Variants in KYAT3 observed in about 807,000 individuals in gnomAD.
KYAT3 encodes kynurenine--oxoglutarate transaminase 3.
In KYAT3, 50 loss-of-function variants were observed where a neutral mutation model predicts 59.0. That is an observed-to-expected ratio of 0.85 (90% confidence interval 0.68 to 1.07). The LOEUF (loss-of-function observed/expected upper bound fraction) is 1.07. Ranked by LOEUF, KYAT3 falls within the 50% of genes least tolerant of loss-of-function variation. The probability of loss-of-function intolerance (pLI) is 0.00; values close to 1 mark genes in which losing one functional copy is unlikely to be tolerated. For missense variants in KYAT3, 497 were observed against 533.3 expected (o/e 0.93, Z 0.67); for synonymous variants, 148 against 177.0 (o/e 0.84, Z 1.30).
At chr1:88,924,638 T>G in the KYAT3 span, among the ~76,000 whole-genome samples, 1 of 152,180 alleles carries the variant, frequency 6.6e-6, no homozygotes, top group African/African-American at 2.4e-5. Context: ...AAGCTGAGCT[T>G]TTGCTCGCCG....
chr1:88,984,889 A>G (rs374758015), intron 2 of KYAT3, among the ~76,000 whole-genome samples: 14 of 152,358 alleles, frequency 9.2e-5, no homozygotes, highest in Middle Eastern at 3.4e-3. Flanking sequence ...CCTTTACTAC[A>G]TATGAATTTG....
intron 2 of KYAT3, among the ~76,000 whole-genome samples, chr1:88,969,961 G>A (rs969208854): frequency 6.6e-6 from 1 of 152,070 alleles, no homozygotes; most frequent in Non-Finnish European, 1.5e-5. Context: ...TTGGCTGGAA[G>A]GAATGCTTTT....
chr1:88,959,954 T>G (rs35506127), intron 8 of KYAT3, among the ~76,000 whole-genome samples: 147,037 of 147,038 alleles, frequency 1, 73,518 homozygotes, highest in Non-Finnish European at 1. Context: ...TGCAGTCCCA[T>G]CTACTTGGGA....
chr1:88,932,145 T>C (rs1321277303), downstream of KYAT3, among the ~76,000 whole-genome samples: 3 of 152,204 alleles, frequency 2.0e-5, no homozygotes, highest in Non-Finnish European at 2.9e-5. Context: ...TATTACAGAA[T>C]ACTGTCTACT....
At chr1:88,956,789 T>G (rs10922528) in intron 8 of KYAT3, among the ~76,000 whole-genome samples, 43,349 of 152,168 alleles carry the variant, frequency 0.28, 7,533 homozygotes, top group Non-Finnish European at 0.38. Context: ...TAAATTTTGC[T>G]AGACATTGGT....
At chr1:88,950,386 A>G (rs1207257896) in intron 10 of KYAT3, among the ~76,000 whole-genome samples, 1 of 152,218 alleles carries the variant, frequency 6.6e-6, no homozygotes, top group East Asian at 1.9e-4. Context: ...TAGCCTGGAA[A>G]TCTGTGGTTT....
intron 8 of KYAT3, 128 bp downstream of exon 8, chr1:88,961,039 A>G: frequency 2.4e-6 from 2 of 817,718 alleles, no homozygotes; most frequent in Non-Finnish European, 3.9e-6. Flanking sequence ...ATACTATTTT[A>G]AAGTGTTCAT....
At chr1:88,978,086 GTA>G (rs1676880045) in intron 2 of KYAT3, among the ~76,000 whole-genome samples, 1 of 151,724 alleles carries the variant, frequency 6.6e-6, no homozygotes. Context: ...ATACACATAT[GTA>G]TATATGTATA....
At chr1:88,934,100 A>T (rs1280186747), downstream of KYAT3, among the ~76,000 whole-genome samples, 2 of 152,180 alleles carry the variant, frequency 1.3e-5, no homozygotes, top group African/African-American at 2.4e-5. Context: ...GCTATGATTT[A>T]ATCATGCTAC....
rs781714183 is a variant in KYAT3, at chr1:88,983,063, T to C, written c.99+5189A>G. Reference sequence around the variant, plus strand: ...TCTATCGCCATAGCCTCTTGATGGATAGTCATCACGTGAACTGGAATGACC... The same window carrying C: ...TCTATCGCCATAGCCTCTTGATGGACAGTCATCACGTGAACTGGAATGACC... On this transcript the variant is annotated intron_variant, in intron 2 of 13. Coordinates refer to ENST00000260508, the MANE Select transcript of KYAT3 (RefSeq NM_001008661.3). 25 of 1,612,444 alleles carry C rather than the reference T, an allele frequency of 1.6e-5. No homozygotes were observed. Among genetic ancestry groups the C allele is most frequent in the Non-Finnish European group, 1.9e-5 (23 of 1,180,004 alleles).
At chr1:88,975,556 C>A (rs1676752253) in intron 2 of KYAT3, among the ~76,000 whole-genome samples, 1 of 152,258 alleles carries the variant, frequency 6.6e-6, no homozygotes, top group Admixed American at 6.5e-5. Context: ...TGTAACAAAA[C>A]TAATTATCAC....
At chr1:88,990,223 T>C (rs190747281) in intron 1 of KYAT3, among the ~76,000 whole-genome samples, 2 of 152,178 alleles carry the variant, frequency 1.3e-5, no homozygotes, top group African/African-American at 4.8e-5. Flanking sequence ...CACTGATTAT[T>C]ACCTCTTTAC....
At chr1:88,954,799 G>T (rs568892088) in intron 9 of KYAT3, among the ~76,000 whole-genome samples, 1 of 152,106 alleles carries the variant, frequency 6.6e-6, no homozygotes, top group African/African-American at 2.4e-5. Flanking sequence ...TTTTAAAGAT[G>T]GTCTTGTTCT....
chr1:88,946,445 G>A (rs1244221109), intron 11 of KYAT3, among the ~76,000 whole-genome samples: 1 of 152,006 alleles, frequency 6.6e-6, no homozygotes, highest in African/African-American at 2.4e-5. Context: ...TTACAGGCAG[G>A]AGTCACTGTA....
chr1:88,934,710 C>A (rs570644301), downstream of KYAT3, among the ~76,000 whole-genome samples: 3 of 152,076 alleles, frequency 2.0e-5, no homozygotes, highest in South Asian at 2.1e-4. Flanking sequence ...AAGTGATAGA[C>A]AATGAAGTCA....
chr1:88,983,238 C>A, intron 2 of KYAT3: 1 of 1,613,394 alleles, frequency 6.2e-7, no homozygotes, highest in Non-Finnish European at 8.5e-7. Context: ...GGGAGCGGTT[C>A]CCTTCGAGGT....
At chr1:88,978,654 C>G (rs1676915149) in intron 2 of KYAT3, among the ~76,000 whole-genome samples, 1 of 151,478 alleles carries the variant, frequency 6.6e-6, no homozygotes, top group Non-Finnish European at 1.5e-5. Flanking sequence ...TGTGGCACCA[C>G]ACCTGGCTAA....
intron 2 of KYAT3, among the ~76,000 whole-genome samples, chr1:88,975,905 A>G (rs1347846605): frequency 1.3e-5 from 2 of 152,054 alleles, no homozygotes; most frequent in Non-Finnish European, 2.9e-5. Flanking sequence ...CGTGGTGGCA[A>G]GTGCCTGTAG....
At chr1:88,959,306 C>T (rs970242129) in intron 8 of KYAT3, among the ~76,000 whole-genome samples, 6 of 150,472 alleles carry the variant, frequency 4.0e-5, no homozygotes, top group Non-Finnish European at 5.9e-5. Flanking sequence ...AGGCTGGGCA[C>T]GGTGGCTCAC....
Sources: gnomAD v4.1 joint callset for allele counts (sites outside exome capture counted in the v4.1 genomes callset) on GRCh38, gnomAD v4.1.1 for gene constraint, MANE v1.5 for transcripts, NCBI Gene and HGNC (gene_info 2026-07-23, HGNC 2026-07-21) for gene names.